Variants in KCTD3 observed in about 807,000 individuals in gnomAD.
KCTD3 encodes the protein potassium channel tetramerization domain containing 3.
KCTD3 carries 41 observed loss-of-function variants against 85.8 expected under a neutral mutation model. The ratio of observed to expected loss-of-function variants is 0.48; its 90% CI spans 0.37 to 0.62. The LOEUF is 0.62. Among genes scored for constraint, KCTD3 ranks in the 20% least tolerant of loss-of-function variants. KCTD3 has a pLI of 0.00. For synonymous variants in KCTD3, 338 were observed against 345.4 expected, an observed-to-expected ratio of 0.98 and a Z score of 0.24; for missense variants, 724 against 989.9, an observed-to-expected ratio of 0.73 and a Z score of 3.60.
chr1:215,588,488 A>G (rs905094241), intron 9 of KCTD3, among the ~76,000 whole-genome samples: 10 of 151,938 alleles, frequency 6.6e-5, no homozygotes, highest in African/African-American at 9.7e-5. Flanking sequence ...GAAGAATGCA[A>G]TGGTCACTAG....
chr1:215,580,674 T>G (rs1659782642), intron 8 of KCTD3, among the ~76,000 whole-genome samples: 1 of 152,034 alleles, frequency 6.6e-6, no homozygotes, highest in African/African-American at 2.4e-5. Flanking sequence ...CAAAAGTGGT[T>G]GGAATATACT....
chr1:215,581,736 T>C (rs1342810460), intron 8 of KCTD3, among the ~76,000 whole-genome samples: 1 of 152,236 alleles, frequency 6.6e-6, no homozygotes, highest in Non-Finnish European at 1.5e-5. Flanking sequence ...AATATACTCA[T>C]GTAAAGTGAC....
intron 8 of KCTD3, among the ~76,000 whole-genome samples, chr1:215,583,450 A>C (rs1348979589): frequency 6.6e-6 from 1 of 152,200 alleles, no homozygotes; most frequent in African/African-American, 2.4e-5. Flanking sequence ...GGACGACCAG[A>C]GGTCACTTTT....
chr1:215,568,649 G>T (rs1441883506), intron 1 of KCTD3, among the ~76,000 whole-genome samples: 1 of 152,068 alleles, frequency 6.6e-6, no homozygotes, highest in East Asian at 1.9e-4. Flanking sequence ...TTGGTAAGGA[G>T]ATAAACAAGG....
intron 9 of KCTD3, among the ~76,000 whole-genome samples, chr1:215,592,136 G>A (rs1660249977): frequency 6.6e-6 from 1 of 152,138 alleles, no homozygotes; most frequent in Non-Finnish European, 1.5e-5. Context: ...ATTTCCCATG[G>A]GGTTCCTCTC....
At chr1:215,610,846 A>G (rs1319425372) in intron 14 of KCTD3, among the ~76,000 whole-genome samples, 1 of 151,978 alleles carries the variant, frequency 6.6e-6, no homozygotes, top group Non-Finnish European at 1.5e-5. Context: ...AAATGAGTAT[A>G]TATTTGGAAA....
Position 215,577,848 on chromosome 1 carries a change from G to A in KCTD3, c.316+120G>A, listed in dbSNP as rs878878908. 7.4e-6 allele frequency: 10 copies of A among 1,346,528 alleles called. No individual in the cohort carries two copies. The South Asian group carries it at 1.2e-4, about 16-fold the overall frequency. 83.4% of individuals were successfully genotyped at this position (1,346,528 alleles called of 1,614,324 possible). ...TGGACTTGTTCAGTGCTTAGTTTTT[G>A]TGGATTTTCATAGTAAAAAGATGTT... On this transcript the variant is annotated intron_variant, in intron 5 of 17. Transcript: ENST00000259154.
At chr1:215,569,089 C>G (rs1372215406) in intron 1 of KCTD3, among the ~76,000 whole-genome samples, 2 of 151,048 alleles carry the variant, frequency 1.3e-5, no homozygotes, top group Non-Finnish European at 3.0e-5. Flanking sequence ...TTTCTACTTG[C>G]TATTGATAGT....
intron 9 of KCTD3, among the ~76,000 whole-genome samples, chr1:215,592,172 A>G (rs908223151): frequency 6.6e-6 from 1 of 152,198 alleles, no homozygotes; most frequent in African/African-American, 2.4e-5. Flanking sequence ...TACAGGAGCT[A>G]CAAGATGAGA....
rs559491635 is a variant in KCTD3, at chr1:215,605,600, TGTCTGGATCTCTGG to T, written c.1309+1299_1309+1312del. Among the ~76,000 whole-genome samples, 23 of 152,272 alleles carry T rather than the reference TGTCTGGATCTCTGG, an allele frequency of 1.5e-4. No individual in the cohort carries two copies. The East Asian group carries it at 3.9e-3, about 26-fold the overall frequency. On this transcript the variant is annotated intron_variant, in intron 13 of 17. Coordinates refer to ENST00000259154, the MANE Select transcript of KCTD3 (RefSeq NM_016121.5). ...AGAGTTCCAAACCCTGTATATCCAG[TGTCTGGATCTCTGG>T]TTGTATGTTTAATAGGCATCTCAAA...
intron 9 of KCTD3, 134 bp from the exon 10 acceptor site, chr1:215,595,222 C>T: frequency 1.7e-6 from 1 of 602,676 alleles, no homozygotes; most frequent in Non-Finnish European, 2.9e-6. Context: ...ATTTCTAGTC[C>T]CCAACACGTA....
chr1:215,600,326 A>G (rs139367552), intron 10 of KCTD3, among the ~76,000 whole-genome samples: 79 of 152,346 alleles, frequency 5.2e-4, no homozygotes, highest in African/African-American at 1.9e-3. Context: ...GTTTTTAATT[A>G]GAATGAACCT....
intron 10 of KCTD3, among the ~76,000 whole-genome samples, chr1:215,597,253 T>G (rs1253462610): frequency 6.6e-6 from 1 of 151,896 alleles, no homozygotes; most frequent in African/African-American, 2.4e-5. Flanking sequence ...AAGAAATGTT[T>G]CAGTTTCTTG....
chr1:215,619,331 CT>C, intron 17 of KCTD3, 40 bp downstream of exon 17: 2 of 1,533,786 alleles, frequency 1.3e-6, no homozygotes, highest in Non-Finnish European at 1.8e-6. Flanking sequence ...AAATTTATTT[CT>C]TTTGGGGAAA....
intron 10 of KCTD3, among the ~76,000 whole-genome samples, chr1:215,596,454 A>C (rs751429261): frequency 1.6e-4 from 24 of 152,208 alleles, no homozygotes; most frequent in Admixed American, 1.4e-3. Flanking sequence ...GAGTGGGTAT[A>C]TAGAAAGAAA....
intron 1 of KCTD3, among the ~76,000 whole-genome samples, chr1:215,568,002 A>G (rs1175789604): frequency 2.6e-5 from 4 of 152,212 alleles, no homozygotes; most frequent in Non-Finnish European, 5.9e-5. Context: ...GACCAGGCCC[A>G]TGTGGCAGAG....
chr1:215,614,071 C>T (rs1270749218), intron 15 of KCTD3, among the ~76,000 whole-genome samples: 2 of 121,096 alleles, frequency 1.7e-5, no homozygotes, highest in African/African-American at 3.2e-5. Context: ...CTCACTCTGT[C>T]ACCCAGGCTG....
In KCTD3 at chr1:215,601,052, C is replaced by T. The variant is rs529091158; in HGVS notation, c.934-815C>T. Among the ~76,000 whole-genome samples, 56 of 152,282 alleles carry T rather than the reference C, an allele frequency of 3.7e-4. No individual in the cohort carries two copies. In the East Asian group the frequency reaches 0.01, roughly 27 times the overall value. ...TCCCAGGTTCGAGCAATTCTCCTGC[C>T]TCAGCCTCCCGAGCAGCCGGGATTA... On this transcript the variant is annotated intron_variant, in intron 10 of 17. Coordinates refer to ENST00000259154, the MANE Select transcript of KCTD3 (RefSeq NM_016121.5).
intron 8 of KCTD3, among the ~76,000 whole-genome samples, chr1:215,584,548 A>C (rs1415452417): frequency 6.6e-6 from 1 of 152,090 alleles, no homozygotes; most frequent in East Asian, 1.9e-4. Context: ...TTTCCTTTTG[A>C]GGTTTCATGA....
Sources: allele counts gnomAD v4.1 joint callset (sites outside exome capture counted in the v4.1 genomes callset), GRCh38; gene constraint gnomAD v4.1.1; transcripts MANE v1.5; gene names NCBI Gene and HGNC (gene_info 2026-07-23, HGNC 2026-07-21).